Variants in SORCS1 observed in about 807,000 individuals in gnomAD.
SORCS1 encodes the protein VPS10 domain-containing receptor SorCS1.
SORCS1 carries 60 observed loss-of-function variants against 146.1 expected under a neutral mutation model. The observed-to-expected ratio is 0.41, with a 90% CI of 0.33 to 0.51. SORCS1 has a LOEUF of 0.51. Among genes scored for constraint, SORCS1 ranks in the 20% least tolerant of loss-of-function variants. SORCS1 has a pLI of 0.21. For synonymous variants in SORCS1, 637 were observed against 584.0 expected (o/e 1.09, Z -1.31); for missense variants, 1,352 against 1,487.6 (o/e 0.91, Z 1.50).
chr10:107,065,308 C>G (rs1961643859), intron 1 of SORCS1, among the ~76,000 whole-genome samples: 1 of 152,064 alleles, frequency 6.6e-6, no homozygotes, highest in African/African-American at 2.4e-5. Context: ...AATGTTTTGG[C>G]TCAGCCATGA....
intron 3 of SORCS1, among the ~76,000 whole-genome samples, chr10:106,805,948 T>G (rs1947143249): frequency 6.7e-6 from 1 of 150,366 alleles, no homozygotes; most frequent in African/African-American, 2.5e-5. Flanking sequence ...TAGTCCCAGC[T>G]ACTCGGGAGG....
chr10:106,940,916 T>A (rs547863460), intron 2 of SORCS1, among the ~76,000 whole-genome samples: 1 of 152,158 alleles, frequency 6.6e-6, no homozygotes, highest in Non-Finnish European at 1.5e-5. Context: ...TTATTCTCTG[T>A]GTGGATAGAG....
rs569589672 is a variant in SORCS1 at position 106,896,385 on chromosome 10, C to T, written c.626+60128G>A. Among the ~76,000 whole-genome samples, 749 of 147,506 alleles carry T rather than the reference C, an allele frequency of 5.1e-3. 7 individuals carry two copies. Among genetic ancestry groups the T allele is most frequent in the African/African-American group, 0.018 (706 of 39,632 alleles). ...CAGGGGTTGCAGTGAGCCAAGATTG[C>T]GCCACTGCACTCCAGCCTGGGTGAC... On this transcript the variant is annotated intron_variant, in intron 2 of 25. Coordinates refer to ENST00000263054, the MANE Select transcript of SORCS1 (RefSeq NM_052918.5).
chr10:106,861,165 A>G (rs1949999331), intron 2 of SORCS1, among the ~76,000 whole-genome samples: 1 of 152,198 alleles, frequency 6.6e-6, no homozygotes, highest in African/African-American at 2.4e-5. Context: ...TGGGAGGCCG[A>G]GGCAGGCAGA....
chr10:106,629,416 A>G (rs1435612708), intron 18 of SORCS1, 28 bp from the exon 19 acceptor site: 1 of 1,610,312 alleles, frequency 6.2e-7, no homozygotes, highest in East Asian at 2.2e-5. Context: ...ATCAGAGGAA[A>G]TGAGTTAGTA....
intron 1 of SORCS1, among the ~76,000 whole-genome samples, chr10:107,070,782 A>T (rs1429191976): frequency 1.3e-5 from 2 of 152,184 alleles, no homozygotes; most frequent in African/African-American, 4.8e-5. Context: ...TTACTTAATG[A>T]CTATGTTACT....
intron 1 of SORCS1, among the ~76,000 whole-genome samples, chr10:107,157,999 T>C (rs1969422525): frequency 6.6e-6 from 1 of 152,196 alleles, no homozygotes; most frequent in Non-Finnish European, 1.5e-5. Flanking sequence ...ATATTTTACA[T>C]ACATTTAGTG....
chr10:107,002,712 TCCA>T (rs1162892736), intron 1 of SORCS1, among the ~76,000 whole-genome samples: 2 of 152,278 alleles, frequency 1.3e-5, no homozygotes, highest in East Asian at 3.9e-4. Context: ...GTCGTATGTG[TCCA>T]CCAAGAGGCA....
intron 5 of SORCS1, among the ~76,000 whole-genome samples, chr10:106,738,204 T>C (rs565808226): frequency 6.6e-6 from 1 of 152,344 alleles, no homozygotes; most frequent in Non-Finnish European, 1.5e-5. Context: ...AAGGGATCCT[T>C]ATCTTTATCA....
chr10:106,662,383 G>A (rs1354380421), intron 17 of SORCS1, among the ~76,000 whole-genome samples: 2 of 152,064 alleles, frequency 1.3e-5, no homozygotes, highest in Non-Finnish European at 2.9e-5. Context: ...GAAAGGTGAT[G>A]CTGGGAGGTT....
chr10:107,051,210 G>A (rs1303195445), intron 1 of SORCS1, among the ~76,000 whole-genome samples: 5 of 152,128 alleles, frequency 3.3e-5, no homozygotes, highest in Admixed American at 2.0e-4. Context: ...TCAAATTTCA[G>A]ACAGCCACGT....
intron 24 of SORCS1, among the ~76,000 whole-genome samples, chr10:106,582,664 G>A (rs996547030): frequency 2.6e-5 from 4 of 152,154 alleles, no homozygotes; most frequent in African/African-American, 9.7e-5. Context: ...CTTAAACAAG[G>A]TAGACGTGTA....
At chr10:106,827,541 T>C in intron 3 of SORCS1, among the ~76,000 whole-genome samples, 1 of 152,218 alleles carries the variant, frequency 6.6e-6, no homozygotes, top group East Asian at 1.9e-4. Context: ...GCATACAGTT[T>C]GTTGACTGTT....
chr10:106,971,045 C>T (rs535650404), intron 1 of SORCS1, among the ~76,000 whole-genome samples: 5 of 151,938 alleles, frequency 3.3e-5, no homozygotes, highest in Admixed American at 6.6e-5. Flanking sequence ...CCACCATGAC[C>T]GGCCTGCTTC....
At chr10:106,715,335 G>A (rs1217391630) in intron 6 of SORCS1, among the ~76,000 whole-genome samples, 2 of 152,214 alleles carry the variant, frequency 1.3e-5, no homozygotes, top group African/African-American at 4.8e-5. Context: ...AGGACACTGT[G>A]CTGTTCTTTT....
intron 2 of SORCS1, among the ~76,000 whole-genome samples, chr10:106,923,949 T>G (rs1199448335): frequency 2.0e-5 from 3 of 152,210 alleles, no homozygotes; most frequent in Non-Finnish European, 2.9e-5. Context: ...CTCATTCTTT[T>G]GATAAATGGC....
chr10:107,028,898 C>G (rs140763455), intron 1 of SORCS1, among the ~76,000 whole-genome samples: 1 of 152,306 alleles, frequency 6.6e-6, no homozygotes, highest in Admixed American at 6.5e-5. Context: ...TCTCGCTTGA[C>G]TTCTCTTTGT....
intron 2 of SORCS1, among the ~76,000 whole-genome samples, chr10:106,854,375 T>C (rs12250398): frequency 0.049 from 7,432 of 152,060 alleles, 243 homozygotes; most frequent in African/African-American, 0.088. Flanking sequence ...AGACAACATA[T>C]AGTTAGGGCT....
At chr10:106,988,979 T>C (rs1956614514) in intron 1 of SORCS1, among the ~76,000 whole-genome samples, 1 of 151,430 alleles carries the variant, frequency 6.6e-6, no homozygotes, top group Non-Finnish European at 1.5e-5. Context: ...TGCAAGTGCC[T>C]CCCAGGCACG....
Sources: allele counts gnomAD v4.1 joint callset (sites outside exome capture counted in the v4.1 genomes callset), GRCh38; gene constraint gnomAD v4.1.1; transcripts MANE v1.5; gene names NCBI Gene and HGNC (gene_info 2026-07-23, HGNC 2026-07-21).